Variants in GRIA4 observed in about 807,000 individuals in gnomAD.
The protein encoded by GRIA4 is glutamate receptor 4.
GRIA4 carries 34 observed loss-of-function variants against 104.0 expected under a neutral mutation model. The ratio of observed to expected loss-of-function variants is 0.33; its 90% CI spans 0.25 to 0.44. The LOEUF (loss-of-function observed/expected upper bound fraction) is 0.44, where lower values mean the gene tolerates loss of function less well. Among genes scored for constraint, GRIA4 ranks in the 20% least tolerant of loss-of-function variants. GRIA4 has a pLI of 1.00. For synonymous variants in GRIA4, 386 were observed against 381.9 expected (o/e 1.01, Z -0.13); for missense variants, 750 against 1,096.5 (o/e 0.68, Z 4.46).
intron 5 of GRIA4, among the ~76,000 whole-genome samples, chr11:105,877,909 G>A (rs1945893691): frequency 6.6e-6 from 1 of 152,140 alleles, no homozygotes; most frequent in South Asian, 2.1e-4. Context: ...GCCTACTTCT[G>A]TCAATTCATC....
At chr11:105,752,407 A>G (rs566101640) in intron 3 of GRIA4, among the ~76,000 whole-genome samples, 168 of 152,312 alleles carry the variant, frequency 1.1e-3, no homozygotes, top group South Asian at 6.4e-3. Flanking sequence ...ACATGATTCA[A>G]GGAGACTCTA....
chr11:105,769,836 A>C (rs1186585730), intron 4 of GRIA4, among the ~76,000 whole-genome samples: 1 of 152,092 alleles, frequency 6.6e-6, no homozygotes, highest in African/African-American at 2.4e-5. Context: ...CAATTACATG[A>C]GTCATCAAAA....
chr11:105,849,078 GAA>G (rs1180204165), intron 4 of GRIA4, among the ~76,000 whole-genome samples: 1 of 152,098 alleles, frequency 6.6e-6, no homozygotes, highest in Non-Finnish European at 1.5e-5. Context: ...TGTAATCTCA[GAA>G]ACTCAGAAGG....
chr11:105,622,701 T>C (rs1439057204), intron 3 of GRIA4, among the ~76,000 whole-genome samples: 1 of 151,932 alleles, frequency 6.6e-6, no homozygotes, highest in Non-Finnish European at 1.5e-5. Context: ...TTTACTTATA[T>C]AAATTTATGA....
At chr11:105,947,769 A>G (rs1275084811) in intron 14 of GRIA4, among the ~76,000 whole-genome samples, 1 of 152,230 alleles carries the variant, frequency 6.6e-6, no homozygotes, top group Non-Finnish European at 1.5e-5. Context: ...CACCAATAGA[A>G]GCAAATGTAG....
At chr11:105,841,636 G>A (rs1443825504) in intron 4 of GRIA4, among the ~76,000 whole-genome samples, 1 of 152,094 alleles carries the variant, frequency 6.6e-6, no homozygotes, top group Non-Finnish European at 1.5e-5. Flanking sequence ...AGATTGAGAT[G>A]GTGGTTATAG....
intron 4 of GRIA4, among the ~76,000 whole-genome samples, chr11:105,860,132 C>G (rs1484186836): frequency 2.0e-5 from 3 of 152,106 alleles, no homozygotes. Flanking sequence ...TGCCCTCTTT[C>G]TTCCTCTTCG....
intron 4 of GRIA4, among the ~76,000 whole-genome samples, chr11:105,850,795 A>G (rs1198380865): frequency 6.6e-6 from 1 of 152,222 alleles, no homozygotes; most frequent in Non-Finnish European, 1.5e-5. Flanking sequence ...TGTAAAGAGC[A>G]GAAGCCACCA....
chr11:105,790,315 G>A (rs1942160322), intron 4 of GRIA4, among the ~76,000 whole-genome samples: 4 of 152,144 alleles, frequency 2.6e-5, no homozygotes, highest in Admixed American at 2.6e-4. Context: ...TGTGTGTCAC[G>A]CTTTAGTAAT....
chr11:105,878,418 T>C (rs1235412101), intron 5 of GRIA4, among the ~76,000 whole-genome samples: 1 of 152,220 alleles, frequency 6.6e-6, no homozygotes, highest in Non-Finnish European at 1.5e-5. Flanking sequence ...GGAGGCAGTC[T>C]GTCCCTTAGC....
chr11:105,759,189 A>T (rs1156842175), intron 4 of GRIA4, among the ~76,000 whole-genome samples: 1 of 152,120 alleles, frequency 6.6e-6, no homozygotes, highest in Non-Finnish European at 1.5e-5. Context: ...ATCATCATTA[A>T]TATGTTAGTA....
At chr11:105,836,028 T>C (rs532378295) in intron 4 of GRIA4, among the ~76,000 whole-genome samples, 1 of 152,042 alleles carries the variant, frequency 6.6e-6, no homozygotes, top group Non-Finnish European at 1.5e-5. Context: ...ATAACAAAAA[T>C]ATATTGTGAA....
intron 4 of GRIA4, among the ~76,000 whole-genome samples, chr11:105,826,340 C>T (rs759814854): frequency 1.9e-4 from 29 of 152,016 alleles, no homozygotes; most frequent in Non-Finnish European, 3.4e-4. Context: ...GGGACACCTG[C>T]ATCTGATTAC....
At chr11:105,782,377 ACT>A (rs1941768127) in intron 4 of GRIA4, among the ~76,000 whole-genome samples, 1 of 152,186 alleles carries the variant, frequency 6.6e-6, no homozygotes, top group Non-Finnish European at 1.5e-5. Context: ...CTTCTCTGAG[ACT>A]CTTAAAATGT....
chr11:105,935,949 A>G (rs1948023612), intron 14 of GRIA4, among the ~76,000 whole-genome samples: 1 of 152,142 alleles, frequency 6.6e-6, no homozygotes, highest in Admixed American at 6.5e-5. Context: ...TAATGAGGCA[A>G]TTGTTAAATT....
chr11:105,614,910 A>G (rs1950562858), intron 3 of GRIA4, among the ~76,000 whole-genome samples: 1 of 151,974 alleles, frequency 6.6e-6, no homozygotes, highest in Non-Finnish European at 1.5e-5. Context: ...TCATTTATCA[A>G]GCTCTATGCC....
intron 5 of GRIA4, among the ~76,000 whole-genome samples, chr11:105,875,392 C>T (rs1945780361): frequency 1.3e-5 from 2 of 152,128 alleles, no homozygotes; most frequent in African/African-American, 4.8e-5. Flanking sequence ...TGTTGTGTCT[C>T]TGCCAGGTTT....
chr11:105,619,984 T>G (rs1950699352), intron 3 of GRIA4, among the ~76,000 whole-genome samples: 1 of 151,936 alleles, frequency 6.6e-6, no homozygotes, highest in South Asian at 2.1e-4. Flanking sequence ...CTTTGTCCTC[T>G]GCCTCTCGCA....
intron 4 of GRIA4, among the ~76,000 whole-genome samples, chr11:105,813,295 T>C (rs1274362397): frequency 1.3e-5 from 2 of 152,106 alleles, no homozygotes; most frequent in Non-Finnish European, 2.9e-5. Flanking sequence ...ATGGAATAAC[T>C]GAAGATTCTT....
Sources: gnomAD v4.1 joint callset for allele counts (sites outside exome capture counted in the v4.1 genomes callset) on GRCh38, gnomAD v4.1.1 for gene constraint, MANE v1.5 for transcripts, NCBI Gene and HGNC (gene_info 2026-07-23, HGNC 2026-07-21) for gene names.